The following C5 variants were observed in gnomAD, a reference collection of about 807,000 sequenced individuals.
C5 encodes the protein C3 and PZP-like alpha-2-macroglobulin domain-containing protein 4.
In C5, 140 loss-of-function variants were observed where a neutral mutation model predicts 218.8. That is an observed-to-expected ratio of 0.64 (90% CI 0.56 to 0.74). The LOEUF is 0.74. Among genes scored for constraint, C5 ranks in the 30% least tolerant of loss-of-function variants. The pLI is 0.00. For missense variants in C5, 1,700 were observed against 1,969.6 expected, an observed-to-expected ratio of 0.86 and a Z score of 2.59; for synonymous variants, 614 against 682.3, an observed-to-expected ratio of 0.90 and a Z score of 1.56.
Position 120,974,925 on chromosome 9 carries a change from T to G in C5, c.3871A>C (p.Ile1291Leu), listed in dbSNP as rs200674959. The G allele has an allele frequency of 6.2e-7, 1 of 1,614,196 alleles. No individual in the cohort carries two copies. The change falls in exon 30 of 41, where the codon ATC (isoleucine) becomes CTC (leucine). Residue 1291 changes from isoleucine (I) to leucine (L), a missense_variant. Ile to Leu is a conservative substitution (Grantham distance 5). Coordinates refer to ENST00000223642, the MANE Select transcript of C5 (RefSeq NM_001735.3). Reference sequence around the variant, plus strand: ...TCCGTCAGGCCCTCAATGGCATTGATTGTGTCCTGTCAGCAATCAGCAAGG... The same window carrying G: ...TCCGTCAGGCCCTCAATGGCATTGAGTGTGTCCTGTCAGCAATCAGCAAGG... ...GGGFYSTQDT[I>L]NAIEGLTEYS...
the C5 span, among the ~76,000 whole-genome samples, chr9:121,068,952 T>C: frequency 6.6e-6 from 1 of 152,162 alleles, no homozygotes; most frequent in African/African-American, 2.4e-5. Context: ...ACTAGATCCC[T>C]ACATCTCCCC....
intron 40 of C5, 96 bp from the exon 41 acceptor site, chr9:120,952,964 C>G: frequency 1.4e-6 from 2 of 1,390,838 alleles, no homozygotes; most frequent in Non-Finnish European, 2.0e-6. Context: ...TGCTCAGTCG[C>G]CCATGCTGGA....
chr9:121,014,027 A>G lies in C5; in HGVS notation c.2103T>C (p.Asp701=), dbSNP rs183426860. 2.5e-6 allele frequency: 4 copies of G among 1,614,186 alleles called. No individual in the cohort carries two copies. Among genetic ancestry groups the G allele is most frequent in the East Asian group, 4.5e-5 (2 of 44,886 alleles). The change falls in exon 17 of 41, where the codon GAT becomes GAC. Residue 701 remains aspartate, a synonymous_variant. Transcript: ENST00000223642. ...KHSVVKKCCY[D]GACVNNDETC... Reference sequence around the variant, plus strand: ...TTTCATCATTATTAACGCAGGCTCCATCGTAACAACATTTCTTCACTACTG... The same window carrying G: ...TTTCATCATTATTAACGCAGGCTCCGTCGTAACAACATTTCTTCACTACTG...
intron 15 of C5, 54 bp from the exon 16 acceptor site, chr9:121,015,315 C>A (rs1236475091): frequency 7.4e-6 from 9 of 1,220,784 alleles, no homozygotes; most frequent in East Asian, 2.4e-5. Flanking sequence ...GATAAAATCT[C>A]AAAAAAAAAT....
At chr9:121,006,782 AG>A in intron 19 of C5, 121 bp downstream of exon 19, 1 of 715,968 alleles carries the variant, frequency 1.4e-6, no homozygotes, top group Non-Finnish European at 2.5e-6. Flanking sequence ...CATAAAAAAA[AG>A]AATATTTTTT....
At chr9:120,993,491 T>C (rs994810705) in intron 22 of C5, among the ~76,000 whole-genome samples, 20 of 152,312 alleles carry the variant, frequency 1.3e-4, no homozygotes, top group South Asian at 2.1e-4. Context: ...GGCGTGATCT[T>C]GGCTCACTGC....
chr9:121,010,233 A>T (rs2047250613), intron 17 of C5, among the ~76,000 whole-genome samples: 2 of 152,242 alleles, frequency 1.3e-5, no homozygotes, highest in African/African-American at 2.4e-5. Context: ...TATTTGGAAA[A>T]ACCTGAGGAC....
In C5 at chr9:121,017,489, T is replaced by C; in HGVS notation, c.1739A>G (p.Asp580Gly). 6.2e-7 allele frequency: 1 copy of C among 1,613,938 alleles called. No homozygotes were observed. Among genetic ancestry groups the C allele is most frequent in the Non-Finnish European group, 8.5e-7 (1 of 1,179,966 alleles). ...QLQVHLSPDADAYSPGQTVSL... is the reference protein window; with the variant it reads ...QLQVHLSPDAGAYSPGQTVSL... ...CACAGTTTGGCCTGGAGAATATGCA[T>C]CTGCATCAGGAGACAGATGAACCTA... Residue 580 changes from aspartate to glycine, a missense_variant, in exon 14 of 41, where the codon GAT becomes GGT. Coordinates refer to ENST00000223642, the MANE Select transcript of C5 (RefSeq NM_001735.3).
At chr9:120,957,258 G>GGAACGAAT (rs2046792969) in intron 39 of C5, 27 bp downstream of exon 39, 1 of 1,490,440 alleles carries the variant, frequency 6.7e-7, no homozygotes, top group Non-Finnish European at 9.4e-7. Flanking sequence ...GCTGAATGAA[G>GGAACGAAT]GAACGAATGA....
intron 27 of C5, among the ~76,000 whole-genome samples, chr9:120,980,574 G>A (rs955568647): frequency 1.3e-4 from 20 of 152,254 alleles, no homozygotes; most frequent in African/African-American, 4.8e-4. Flanking sequence ...AAGGCACCGA[G>A]CATAGACACA....
the C5 span, among the ~76,000 whole-genome samples, chr9:121,055,629 G>C: frequency 6.6e-6 from 1 of 152,184 alleles, no homozygotes; most frequent in African/African-American, 2.4e-5. Flanking sequence ...CCCATCCTGG[G>C]TCAGAAGGGA....
At chr9:121,054,325 C>T (rs980332572), upstream of C5, among the ~76,000 whole-genome samples, 4 of 152,150 alleles carry the variant, frequency 2.6e-5, no homozygotes, top group African/African-American at 7.2e-5. Flanking sequence ...ATAGTCCGGG[C>T]GTGGTGGCTC....
At chr9:120,994,024 T>G (rs1223521842) in intron 22 of C5, among the ~76,000 whole-genome samples, 1 of 151,824 alleles carries the variant, frequency 6.6e-6, no homozygotes, top group African/African-American at 2.4e-5. Flanking sequence ...ATGAGACGAG[T>G]TGGGAGAAAA....
chr9:120,999,844 A>C lies in C5; in HGVS notation c.2563-2070T>G, dbSNP rs144418844. 3.5e-3 allele frequency: 1,507 copies of C among 432,248 alleles called. 16 individuals carry two copies. The highest frequency in any genetic ancestry group is 0.028 in the African/African-American group (1,369 of 48,096). The allele number at this position is 432,248 out of a possible 1,614,324, so 26.8% of individuals were successfully genotyped here. A position where few individuals can be genotyped will look rare whatever the true frequency, so the allele number is the denominator to read the frequency against. ...TTTTGATATGATGGAAATGCACTGA[A>C]AATTTAAAGATTAAATAAAATATGG... On this transcript the variant is annotated intron_variant, in intron 20 of 40. Transcript: ENST00000223642.
At chr9:121,022,298 C>CATAT (rs36060946) in intron 10 of C5, among the ~76,000 whole-genome samples, 14 of 148,934 alleles carry the variant, frequency 9.4e-5, no homozygotes, top group Non-Finnish European at 1.8e-4. Context: ...CTCTCACTGC[C>CATAT]ATATATATAT....
In C5 at chr9:120,982,685, T is replaced by C; in HGVS notation, c.3360A>G (p.Glu1120=). 1 of 1,608,332 alleles carries C rather than the reference T, an allele frequency of 6.2e-7. No individual in the cohort carries two copies. The highest frequency in any genetic ancestry group is 8.5e-7 in the Non-Finnish European group (1 of 1,175,380). ...NYQLDNGSFK[E]NSQYQPIKLQ... is the part of the protein sequence containing the mutation. The stretch of plus-strand genomic sequence containing the variant: ...ATTTTATTGGTTGATACTGTGAATT[T>C]TCCTTGAAAGATCCATTATCTAATT... The change falls in exon 26 of 41, where the codon GAA becomes GAG. Residue 1120 remains glutamate (E), a synonymous_variant. Coordinates refer to ENST00000223642, the MANE Select transcript of C5 (RefSeq NM_001735.3).
rs553832130 is a variant in C5 at position 121,028,665 on chromosome 9, C to T, written c.759-1391G>A. ...ACAATGAAAACACTTGGACACAGTG[C>T]GGGGAACATCACACTCTGGGGCCTG... On this transcript the variant is annotated intron_variant, in intron 7 of 40. Coordinates refer to ENST00000223642, the MANE Select transcript of C5 (RefSeq NM_001735.3). Among the ~76,000 whole-genome samples, 8 of 151,570 alleles carry T rather than the reference C, an allele frequency of 5.3e-5. No homozygotes were observed. The East Asian group carries it at 1.2e-3, about 22-fold the overall frequency.
At chr9:121,037,130 TTG>T (rs1349237885) in intron 4 of C5, among the ~76,000 whole-genome samples, 1 of 151,998 alleles carries the variant, frequency 6.6e-6, no homozygotes, top group Non-Finnish European at 1.5e-5. Context: ...GCAAGATTTT[TTG>T]TGTTAGTATA....
rs1564160437 is a variant in C5 at position 121,032,105 on chromosome 9, GA to G, written c.667+7del. Reference sequence around the variant, plus strand: ...AGCAAAGAAAAACTTTTACTTGTCAGAAATTACCATATTCTTTAACTTCAAA... The same window carrying G: ...AGCAAAGAAAAACTTTTACTTGTCAGAATTACCATATTCTTTAACTTCAAA... On this transcript the variant is annotated splice_region_variant and intron_variant, in intron 6 of 40. Coordinates refer to ENST00000223642, the MANE Select transcript of C5 (RefSeq NM_001735.3). 3 of 1,543,022 alleles carry G rather than the reference GA, an allele frequency of 1.9e-6. No individual in the cohort carries two copies.
Sources: gnomAD v4.1 joint callset for allele counts (sites outside exome capture counted in the v4.1 genomes callset) on GRCh38, gnomAD v4.1.1 for gene constraint, MANE v1.5 for transcripts, NCBI Gene and HGNC (gene_info 2026-07-23, HGNC 2026-07-21) for gene names.